PPP6R1: variants seen among roughly 807,000 people sequenced by gnomAD.
PPP6R1 encodes serine/threonine-protein phosphatase 6 regulatory subunit 1.
In PPP6R1, 39 loss-of-function variants were observed where a neutral mutation model predicts 104.6. That is an observed-to-expected ratio of 0.37 (90% CI 0.29 to 0.49). The LOEUF (loss-of-function observed/expected upper bound fraction) is 0.49, where lower values mean the gene tolerates loss of function less well. PPP6R1 is among the 20% of genes least tolerant of loss of function. The pLI is 0.98. For missense variants in PPP6R1, 1,181 were observed against 1,155.8 expected, an observed-to-expected ratio of 1.02 and a Z score of -0.32; for synonymous variants, 549 against 479.0, an observed-to-expected ratio of 1.15 and a Z score of -1.91.
chr19:55,238,740 C>A (rs911360082), intron 15 of PPP6R1: 1 of 152,278 alleles, frequency 6.6e-6, no homozygotes, highest in Non-Finnish European at 1.5e-5. Context: ...AGGTGATCTG[C>A]CTGCCTCGGC....
At chr19:55,228,384 G>C, downstream of PPP6R1, 1 of 1,613,868 alleles carries the variant, frequency 6.2e-7, no homozygotes, top group South Asian at 1.1e-5. Context: ...AGAGGCAGAA[G>C]TACACGCAGC....
chr19:55,234,600 A>G (rs2087378431), intron 17 of PPP6R1, among the ~76,000 whole-genome samples: 1 of 152,216 alleles, frequency 6.6e-6, no homozygotes, highest in South Asian at 2.1e-4. Flanking sequence ...TTTGGCAGTG[A>G]CACACTTGTG....
Position 55,240,516 on chromosome 19 carries a change from C to T in PPP6R1, c.1297-216G>A, listed in dbSNP as rs1173930738. Reference sequence around the variant, plus strand: ...TCTACAAAAGAATATGTGGTGCATACACACACACACACACACACACACACA... The same window carrying T: ...TCTACAAAAGAATATGTGGTGCATATACACACACACACACACACACACACA... On this transcript the variant is annotated intron_variant, in intron 10 of 23. Transcript: ENST00000412770. 8.7e-5 allele frequency among the ~76,000 whole-genome samples: 8 copies of T among 91,614 alleles called. No homozygotes were observed. In the South Asian group the frequency reaches 1.5e-3, roughly 18 times the overall value. The allele number at this position is 91,614 out of a possible 152,430, so 60.1% of individuals were successfully genotyped here.
chr19:55,237,509 C>T (rs2087410380), intron 15 of PPP6R1, among the ~76,000 whole-genome samples: 1 of 152,106 alleles, frequency 6.6e-6, no homozygotes, highest in South Asian at 2.1e-4. Context: ...CCTCCCTCAC[C>T]ACGAGGGTCT....
At chr19:55,240,514 T>TACACACACACAC (rs777717878) in intron 10 of PPP6R1, among the ~76,000 whole-genome samples, 13 of 136,018 alleles carry the variant, frequency 9.6e-5, no homozygotes, top group South Asian at 2.5e-4. Flanking sequence ...ATGTGGTGCA[T>TACACACACACAC]ACACACACAC....
At chr19:55,244,218 C>A (rs1450851570) in intron 5 of PPP6R1, among the ~76,000 whole-genome samples, 1 of 152,228 alleles carries the variant, frequency 6.6e-6, no homozygotes, top group East Asian at 1.9e-4. Context: ...CATCTCTGCT[C>A]TGTAAGCCTG....
chr19:55,239,278 A>T, intron 15 of PPP6R1, 127 bp downstream of exon 15: 1 of 931,624 alleles, frequency 1.1e-6, no homozygotes, highest in Non-Finnish European at 1.7e-6. Context: ...ACGCGTGCCC[A>T]GGAGGGGCCA....
At chr19:55,237,862 T>A (rs1356582464) in intron 15 of PPP6R1, among the ~76,000 whole-genome samples, 10 of 152,214 alleles carry the variant, frequency 6.6e-5, no homozygotes, top group Non-Finnish European at 1.5e-5. Context: ...ATCTTCAGCC[T>A]TGAGATGATC....
chr19:55,246,466 G>A (rs752872324), intron 2 of PPP6R1, among the ~76,000 whole-genome samples: 1 of 149,256 alleles, frequency 6.7e-6, no homozygotes, highest in Non-Finnish European at 1.5e-5. Flanking sequence ...TAAAAAATAA[G>A]TAAAGTGTCT....
downstream of PPP6R1, chr19:55,229,457 A>G (rs2087317582): frequency 1.3e-5 from 2 of 152,264 alleles, no homozygotes; most frequent in African/African-American, 4.8e-5. Flanking sequence ...CTTCTACCTG[A>G]AAGACTCAGA....
intron 1 of PPP6R1, among the ~76,000 whole-genome samples, chr19:55,253,667 A>AG (rs1346990612): frequency 2.0e-5 from 3 of 152,250 alleles, no homozygotes; most frequent in Non-Finnish European, 2.9e-5. Context: ...CTCAATTATC[A>AG]GGCTCTAAAC....
intron 17 of PPP6R1, among the ~76,000 whole-genome samples, chr19:55,235,760 C>T (rs1425367616): frequency 1.8e-4 from 28 of 151,872 alleles, no homozygotes; most frequent in African/African-American, 5.8e-4. Context: ...CCTCGTGATC[C>T]GCCCGCCTCA....
intron 5 of PPP6R1, among the ~76,000 whole-genome samples, chr19:55,243,142 C>A (rs1005750810): frequency 6.6e-6 from 1 of 151,994 alleles, no homozygotes; most frequent in Non-Finnish European, 1.5e-5. Flanking sequence ...GGGCCGGGCG[C>A]GGTGGCTCAC....
At chr19:55,257,580 G>A (rs1230340148) in intron 1 of PPP6R1, among the ~76,000 whole-genome samples, 2 of 148,200 alleles carry the variant, frequency 1.3e-5, no homozygotes, top group African/African-American at 5.2e-5. Flanking sequence ...TTCCCCCCCC[G>A]GAAGGCCCTT....
rs930995913 is a variant in PPP6R1 at position 55,241,859 on chromosome 19, G to A, written c.846-220C>T. Among the ~76,000 whole-genome samples the A allele has an allele frequency of 6.6e-6, 1 of 152,242 alleles. No homozygotes were observed. Among genetic ancestry groups the A allele is most frequent in the Admixed American group, 6.5e-5 (1 of 15,292 alleles). On this transcript the variant is annotated intron_variant, in intron 7 of 23. Transcript: ENST00000412770. This position sits in a 1 kb window ranked among gnomAD's most constrained non-coding sequence, Gnocchi z 5.4. ...TCCACTGTGAGAGCACGGGTGAGGG[G>A]TGGAGGCGGGAAGGCAAACCCAACA... is the stretch of plus-strand genomic sequence containing the variant.
Position 55,230,514 on chromosome 19 carries a change from G to A in PPP6R1, c.*14C>T. On this transcript the variant is annotated 3_prime_UTR_variant, in exon 24 of 24. Transcript: ENST00000412770. ...GAGGACGGAAGATTTGGCCGCCGCTGCCGCACCAGGCAGCTATCTGGAAAC... is the reference window on the plus strand; with the variant it reads ...GAGGACGGAAGATTTGGCCGCCGCTACCGCACCAGGCAGCTATCTGGAAAC... The A allele has an allele frequency of 6.2e-7, 1 of 1,613,366 alleles. No individual in the cohort carries two copies. Among genetic ancestry groups the A allele is most frequent in the Non-Finnish European group, 8.5e-7 (1 of 1,179,796 alleles).
At position 55,241,627 on chromosome 19, in the gene PPP6R1, C is replaced by T. The variant is rs1270916874; in HGVS notation, c.858G>A (p.Val286=). The T allele has an allele frequency of 3.2e-6, 5 of 1,579,526 alleles. No individual in the cohort carries two copies. The South Asian group carries it at 4.6e-5, about 15-fold the overall frequency. Residue 286 remains valine (V), a synonymous_variant, in exon 8 of 24, where the codon GTG becomes GTA. Transcript: ENST00000412770. The surrounding 1 kb of genome is among the most constrained non-coding windows in gnomAD (Gnocchi z 5.4). The stretch of plus-strand genomic sequence containing the variant: ...CACTGCTGAAGAAGCTGTTCACGGT[C>T]ACGGACTCGGACCTGCAGCAGGGCA... The part of the protein sequence containing the change: ...LEPRRPRSES[V]TVNSFFSSVD...
rs775917625 is a variant in PPP6R1, at chr19:55,246,972, C to A, written c.132G>T (p.Leu44=). The part of the protein sequence containing the change: ...LQECKVVNRK[L]LDFLLQPPHL... ...GGGGTGGCTGCAGCAGGAAGTCCAGCAGCTTGCGGTTGACGACCTTGCACT... is the reference window on the plus strand; with the variant it reads ...GGGGTGGCTGCAGCAGGAAGTCCAGAAGCTTGCGGTTGACGACCTTGCACT... The change falls in exon 2 of 24, where the codon CTG becomes CTT. Residue 44 remains leucine (L), a synonymous_variant. Coordinates refer to ENST00000412770, the MANE Select transcript of PPP6R1 (RefSeq NM_014931.4). 1 of 1,613,904 alleles carries A rather than the reference C, an allele frequency of 6.2e-7. No homozygotes were observed. The highest frequency in any genetic ancestry group is 2.2e-5 in the East Asian group (1 of 44,890).
intron 1 of PPP6R1, among the ~76,000 whole-genome samples, chr19:55,256,669 A>G (rs2087595861): frequency 6.6e-6 from 1 of 152,220 alleles, no homozygotes; most frequent in Non-Finnish European, 1.5e-5. Context: ...CAAAAAATAC[A>G]AACATTAGCC....
Sources: allele counts gnomAD v4.1 joint callset (sites outside exome capture counted in the v4.1 genomes callset), GRCh38; gene constraint gnomAD v4.1.1; non-coding constraint Gnocchi (gnomAD v3.1); transcripts MANE v1.5; gene names NCBI Gene and HGNC (gene_info 2026-07-23, HGNC 2026-07-21).